The following SMAD9 variants were observed in gnomAD, a reference collection of about 807,000 sequenced individuals.
The protein encoded by SMAD9 is MAD homolog 9.
In SMAD9, 36 loss-of-function variants were observed where a neutral mutation model predicts 46.1. The ratio of observed to expected loss-of-function variants is 0.78; its 90% confidence interval spans 0.60 to 1.03. The LOEUF is 1.03. Among genes scored for constraint, SMAD9 ranks in the 50% least tolerant of loss-of-function variants. The pLI, the probability that SMAD9 is intolerant of heterozygous loss-of-function variation, is 0.00. For missense variants in SMAD9, 572 were observed against 599.8 expected (o/e 0.95, Z 0.48); for synonymous variants, 245 against 237.1 (o/e 1.03, Z -0.31).
intron 1 of SMAD9, among the ~76,000 whole-genome samples, chr13:36,882,934 G>A (rs34092543): frequency 4.6e-5 from 7 of 152,072 alleles, no homozygotes; most frequent in East Asian, 1.9e-4. Flanking sequence ...ACTACACTAC[G>A]GCCTGGATGG....
At chr13:36,903,238 T>C (rs1248679765) in intron 1 of SMAD9, among the ~76,000 whole-genome samples, 1 of 150,706 alleles carries the variant, frequency 6.6e-6, no homozygotes, top group Non-Finnish European at 1.5e-5. Flanking sequence ...GACATTCTCC[T>C]GCCTCAGGCT....
intron 1 of SMAD9, among the ~76,000 whole-genome samples, chr13:36,907,536 G>A (rs893516585): frequency 5.3e-5 from 8 of 152,114 alleles, no homozygotes; most frequent in South Asian, 4.1e-4. Flanking sequence ...TTAGCCAGGC[G>A]TGGTGGCACC....
intron 3 of SMAD9, 112 bp from the exon 4 acceptor site, chr13:36,867,495 C>A: frequency 3.2e-6 from 2 of 630,084 alleles, no homozygotes; most frequent in South Asian, 4.5e-5. Context: ...CAGTGCTACT[C>A]CTACAGAGAG....
At position 36,895,378 on chromosome 13, in the gene SMAD9, A is replaced by G. The variant is rs530588794; in HGVS notation, c.-186-15503T>C. Among the ~76,000 whole-genome samples, 157 of 152,252 alleles carry G rather than the reference A, an allele frequency of 1.0e-3. 1 individual carries two copies. The highest frequency in any genetic ancestry group is 3.4e-3 in the African/African-American group (141 of 41,542). On this transcript the variant is annotated intron_variant, in intron 1 of 6. Coordinates refer to ENST00000379826, the MANE Select transcript of SMAD9 (RefSeq NM_001127217.3). ...AACCTCAACTAGCATAGGTTTCTCA[A>G]CTACTGACATCTGAGGCTAGATTTG...
intron 1 of SMAD9, among the ~76,000 whole-genome samples, chr13:36,899,790 A>C (rs1463832893): frequency 6.6e-6 from 1 of 152,170 alleles, no homozygotes; most frequent in Non-Finnish European, 1.5e-5. Context: ...GTAGTATGTG[A>C]AAAGCAGAAG....
chr13:36,883,477 A>G (rs991462805), intron 1 of SMAD9, among the ~76,000 whole-genome samples: 1 of 152,218 alleles, frequency 6.6e-6, no homozygotes, highest in African/African-American at 2.4e-5. Context: ...CTGGCCAGGC[A>G]CAGTGGCTCT....
intron 1 of SMAD9, among the ~76,000 whole-genome samples, chr13:36,895,646 T>C (rs555899873): frequency 9.2e-5 from 14 of 152,292 alleles, no homozygotes; most frequent in African/African-American, 3.1e-4. Context: ...TAAGCAGAAT[T>C]TCAGAGAAAG....
intron 4 of SMAD9, among the ~76,000 whole-genome samples, chr13:36,866,864 G>A (rs1248019575): frequency 1.3e-5 from 2 of 152,170 alleles, no homozygotes; most frequent in South Asian, 2.1e-4. Flanking sequence ...ACTATTATAA[G>A]ATGCAAATAA....
At chr13:36,878,942 GA>G (rs2058373066) in intron 2 of SMAD9, among the ~76,000 whole-genome samples, 1 of 152,132 alleles carries the variant, frequency 6.6e-6, no homozygotes, top group Non-Finnish European at 1.5e-5. Flanking sequence ...GAAATCAAAT[GA>G]AAATATCTTC....
In SMAD9 at chr13:36,848,444, A is replaced by T; in HGVS notation, c.*232T>A. On this transcript the variant is annotated 3_prime_UTR_variant, in exon 7 of 7. Coordinates refer to ENST00000379826, the MANE Select transcript of SMAD9 (RefSeq NM_001127217.3). ...TCGCCTCTCAAGTGTTTCCTCCCAC[A>T]AAATCTGCTGCTTATAGCACAGGCA... 3.6e-6 allele frequency: 2 copies of T among 557,072 alleles called. No homozygotes were observed. Among genetic ancestry groups the T allele is most frequent in the South Asian group, 4.1e-5 (2 of 48,366 alleles). 34.5% of individuals were successfully genotyped at this position (557,072 alleles called of 1,614,324 possible).
intron 2 of SMAD9, among the ~76,000 whole-genome samples, chr13:36,877,307 A>G (rs1395594573): frequency 6.6e-6 from 1 of 152,228 alleles, no homozygotes; most frequent in African/African-American, 2.4e-5. Flanking sequence ...GGTTGCAGTG[A>G]GCAGAGACTG....
At chr13:36,885,468 A>G (rs944008832) in intron 1 of SMAD9, among the ~76,000 whole-genome samples, 2 of 152,206 alleles carry the variant, frequency 1.3e-5, no homozygotes, top group Non-Finnish European at 2.9e-5. Context: ...CCAAATGAGT[A>G]GCAATCATAA....
chr13:36,848,662 T>G lies in SMAD9; in HGVS notation c.*14A>C. ...AGCCTCTATCCTATGGAAATGCAGC[T>G]TAAGACATGACTGTTAAGACACTGA... On this transcript the variant is annotated 3_prime_UTR_variant, in exon 7 of 7. Transcript: ENST00000379826. 1 of 1,613,836 alleles carries G rather than the reference T, an allele frequency of 6.2e-7. No individual in the cohort carries two copies. The highest frequency in any genetic ancestry group is 8.5e-7 in the Non-Finnish European group (1 of 1,179,660).
intron 5 of SMAD9, among the ~76,000 whole-genome samples, 188 bp downstream of exon 5, chr13:36,865,349 G>A (rs895238890): frequency 6.6e-6 from 1 of 152,112 alleles, no homozygotes; most frequent in African/African-American, 2.4e-5. Flanking sequence ...GAGGAAGAGG[G>A]ACTAAGATCC....
intron 5 of SMAD9, among the ~76,000 whole-genome samples, chr13:36,855,039 G>C (rs1296783761): frequency 6.6e-6 from 1 of 152,000 alleles, no homozygotes; most frequent in Non-Finnish European, 1.5e-5. Context: ...CAGCACTTTA[G>C]GAGGTCAAGG....
rs532533707 is a variant in SMAD9 at position 36,898,425 on chromosome 13, G to A, written c.-186-18550C>T. Among the ~76,000 whole-genome samples, 59 of 151,870 alleles carry A rather than the reference G, an allele frequency of 3.9e-4. 1 individual carries two copies. In the South Asian group the frequency reaches 8.5e-3, roughly 22 times the overall value. On this transcript the variant is annotated intron_variant, in intron 1 of 6. Transcript: ENST00000379826. ...CCAAATAATTTTATGAAGCTAGCATGACCCTGATGCAAAAATCTTATAAGA... is the reference window on the plus strand; with the variant it reads ...CCAAATAATTTTATGAAGCTAGCATAACCCTGATGCAAAAATCTTATAAGA...
At chr13:36,890,411 T>G (rs1180871770) in intron 1 of SMAD9, among the ~76,000 whole-genome samples, 1 of 152,220 alleles carries the variant, frequency 6.6e-6, no homozygotes, top group Non-Finnish European at 1.5e-5. Context: ...CTTAAAACTT[T>G]AAGAATTATA....
In SMAD9 at chr13:36,879,323, C is replaced by A; in HGVS notation, c.367G>T (p.Glu123Ter). Residue 123 changes from glutamate (E) to a stop codon, truncating the protein, a stop_gained, in exon 2 of 7, where the codon GAA becomes TAA. Transcript: ENST00000379826. LOFTEE classifies it high-confidence loss of function. ...TAGTGGTAAGGGTTAATGCACACTT[C>A]TTTCTGCTTGGAGCCAAATGGGAAC... The part of the protein sequence containing the change: ...CEFPFGSKQK[E>*]VCINPYHYRR... 6.2e-7 allele frequency: 1 copy of A among 1,614,164 alleles called. No individual in the cohort carries two copies.
rs2058370331 is a variant in SMAD9, at chr13:36,878,654, T to G, written c.412+624A>C. On this transcript the variant is annotated intron_variant, in intron 2 of 6. Transcript: ENST00000379826. ...TTTTCAGACCTAGACATGAGATATC[T>G]TCTACTTACCTGAACTTGAACAAAG... 2.6e-5 allele frequency among the ~76,000 whole-genome samples: 4 copies of G among 152,330 alleles called. No homozygotes were observed. The South Asian group carries it at 8.3e-4, about 32-fold the overall frequency.
Sources: gnomAD v4.1 joint callset for allele counts (sites outside exome capture counted in the v4.1 genomes callset) on GRCh38, gnomAD v4.1.1 for gene constraint, MANE v1.5 for transcripts, NCBI Gene and HGNC (gene_info 2026-07-23, HGNC 2026-07-21) for gene names.